Variants in CMIP observed in about 807,000 individuals in gnomAD.
CMIP encodes the protein C-Maf-inducing protein.
In CMIP, 13 loss-of-function variants were observed where a neutral mutation model predicts 97.3. The ratio of observed to expected loss-of-function variants is 0.13; its 90% CI spans 0.09 to 0.21. The LOEUF is 0.21. Ranked by LOEUF, CMIP falls within the 10% of genes least tolerant of loss-of-function variation. CMIP has a pLI of 1.00. For missense variants in CMIP, 847 were observed against 1,024.9 expected (o/e 0.83, Z 2.37); for synonymous variants, 538 against 436.3 (o/e 1.23, Z -2.91).
chr16:81,477,512 C>G (rs1908000983), intron 1 of CMIP, among the ~76,000 whole-genome samples: 1 of 152,206 alleles, frequency 6.6e-6, no homozygotes, highest in South Asian at 2.1e-4. Flanking sequence ...GCATCCAGGT[C>G]CCCTCCTTTC....
At chr16:81,671,391 G>A (rs1304437996) in intron 8 of CMIP, among the ~76,000 whole-genome samples, 1 of 152,206 alleles carries the variant, frequency 6.6e-6, no homozygotes, top group Non-Finnish European at 1.5e-5. Context: ...AAATAGCCAA[G>A]ACAAGTAATA....
At chr16:81,465,103 C>T (rs977423869) in intron 1 of CMIP, among the ~76,000 whole-genome samples, 1 of 152,174 alleles carries the variant, frequency 6.6e-6, no homozygotes, top group East Asian at 1.9e-4. Context: ...AAGATGTTCA[C>T]CCCCCTTACC....
At chr16:81,680,183 G>A (rs1904726630) in intron 10 of CMIP, among the ~76,000 whole-genome samples, 1 of 152,236 alleles carries the variant, frequency 6.6e-6, no homozygotes, top group African/African-American at 2.4e-5. Flanking sequence ...CGGTGCCTGG[G>A]GTGTTGTCTG....
chr16:81,621,178 A>C lies in CMIP; in HGVS notation c.477+252A>C. 1 of 428,024 alleles carries C rather than the reference A, an allele frequency of 2.3e-6. No individual in the cohort carries two copies. The highest frequency in any genetic ancestry group is 4.3e-6 in the Non-Finnish European group (1 of 232,530). 26.5% of individuals were successfully genotyped at this position (428,024 alleles called of 1,614,324 possible). A position where few individuals can be genotyped will look rare whatever the true frequency, so the allele number is the denominator to read the frequency against. ...CCCTATAGCTGTTTTCCTGCTTCAA[A>C]AGGATCATAGAACTGCTTGCTCTCA... On this transcript the variant is annotated intron_variant, in intron 3 of 20. Coordinates refer to ENST00000537098, the MANE Select transcript of CMIP (RefSeq NM_198390.3). The surrounding 1 kb of genome is among the most constrained non-coding windows in gnomAD (Gnocchi z 4.1).
At chr16:81,618,242 G>T (rs2091947095) in intron 2 of CMIP, among the ~76,000 whole-genome samples, 1 of 152,218 alleles carries the variant, frequency 6.6e-6, no homozygotes, top group Admixed American at 6.5e-5. Flanking sequence ...TCCTTCTGGA[G>T]GCTCTCGGGG....
intron 1 of CMIP, among the ~76,000 whole-genome samples, chr16:81,576,155 G>A (rs536305012): frequency 6.6e-6 from 1 of 152,300 alleles, no homozygotes; most frequent in African/African-American, 2.4e-5. Context: ...TGTAAACCCA[G>A]CACTTTGGGA....
chr16:81,480,857 C>T (rs1008527228), intron 1 of CMIP, among the ~76,000 whole-genome samples: 3 of 152,142 alleles, frequency 2.0e-5, no homozygotes, highest in African/African-American at 7.2e-5. Flanking sequence ...GGGAGTCTCC[C>T]CTTGGCCCTC....
At chr16:81,609,379 C>G (rs986125675) in intron 2 of CMIP, among the ~76,000 whole-genome samples, 2 of 152,154 alleles carry the variant, frequency 1.3e-5, no homozygotes, top group Admixed American at 6.5e-5. Context: ...CCCCCCTCGG[C>G]GGGGGAGATG....
chr16:81,541,102 G>C, intron 1 of CMIP, among the ~76,000 whole-genome samples: 1 of 151,556 alleles, frequency 6.6e-6, no homozygotes, highest in Non-Finnish European at 1.5e-5. Context: ...ATATATATAA[G>C]TATATTATTC....
At position 81,703,910 on chromosome 16, in the gene CMIP, C is replaced by T. The variant is rs1046213096; in HGVS notation, c.1945-29C>T. 2.5e-5 allele frequency: 40 copies of T among 1,579,830 alleles called. 2 individuals carry two copies. In the East Asian group the frequency reaches 7.4e-4, roughly 29 times the overall value. On this transcript the variant is annotated intron_variant, in intron 17 of 20. Coordinates refer to ENST00000537098, the MANE Select transcript of CMIP (RefSeq NM_198390.3). ...GGGTCTCGGGAACTCCCAGCAGCAC[C>T]CTCAGGCCTCTCCCCCGTCTGCCCG...
chr16:81,524,229 C>T (rs535708410), intron 1 of CMIP, among the ~76,000 whole-genome samples: 1 of 152,354 alleles, frequency 6.6e-6, no homozygotes, highest in African/African-American at 2.4e-5. Context: ...GCTGGATTCT[C>T]TCAATTGCTC....
At chr16:81,675,410 G>A (rs1904292434) in intron 9 of CMIP, among the ~76,000 whole-genome samples, 1 of 150,494 alleles carries the variant, frequency 6.6e-6, no homozygotes, top group African/African-American at 2.5e-5. Context: ...GTAGAGATGG[G>A]GTTTCGCCAT....
At chr16:81,497,157 A>G (rs1252442764) in intron 1 of CMIP, among the ~76,000 whole-genome samples, 1 of 152,178 alleles carries the variant, frequency 6.6e-6, no homozygotes, top group Non-Finnish European at 1.5e-5. Flanking sequence ...CCCCTGCCTG[A>G]CAGCCTTGCA....
chr16:81,502,808 C>A (rs1194378857), intron 1 of CMIP, among the ~76,000 whole-genome samples: 1 of 152,186 alleles, frequency 6.6e-6, no homozygotes, highest in Non-Finnish European at 1.5e-5. Flanking sequence ...CAAGAAAAAG[C>A]CTTCTGGCTA....
chr16:81,548,464 G>A lies in CMIP; in HGVS notation c.301-59103G>A, dbSNP rs969432102. ...AGTCTTTATTGCGGGCACTGTCCTG[G>A]GCATGGTAGGACATTTGGCACCATC... On this transcript the variant is annotated intron_variant, in intron 1 of 20. Coordinates refer to ENST00000537098, the MANE Select transcript of CMIP (RefSeq NM_198390.3). Among the ~76,000 whole-genome samples, 4 of 151,934 alleles carry A rather than the reference G, an allele frequency of 2.6e-5. No individual in the cohort carries two copies. The East Asian group carries it at 7.7e-4, about 29-fold the overall frequency.
In CMIP at chr16:81,453,909, C is replaced by G. The variant is rs1442222998; in HGVS notation, c.300+8368C>G. On this transcript the variant is annotated intron_variant, in intron 1 of 20. Coordinates refer to ENST00000537098, the MANE Select transcript of CMIP (RefSeq NM_198390.3). The surrounding 1 kb of genome is among the most constrained non-coding windows in gnomAD (Gnocchi z 4.0). ...CGGCCACACGGAGTGCAGGGGAAGA[C>G]TTGGGAACATGGTTTACATGTGCGT... 6.6e-6 allele frequency among the ~76,000 whole-genome samples: 1 copy of G among 152,198 alleles called. No individual in the cohort carries two copies. Among genetic ancestry groups the G allele is most frequent in the Non-Finnish European group, 1.5e-5 (1 of 68,032 alleles).
intron 10 of CMIP, 40 bp from the exon 11 acceptor site, chr16:81,691,735 T>G: frequency 6.3e-7 from 1 of 1,585,092 alleles, no homozygotes; most frequent in South Asian, 1.1e-5. Context: ...AAACCTTCCT[T>G]GTCCCAACCA....
intron 1 of CMIP, among the ~76,000 whole-genome samples, chr16:81,601,348 C>A (rs1289236087): frequency 6.6e-6 from 1 of 152,162 alleles, no homozygotes; most frequent in African/African-American, 2.4e-5. Context: ...GCTGGCTCAC[C>A]ACAAAGGCAA....
intron 1 of CMIP, among the ~76,000 whole-genome samples, chr16:81,550,515 G>T (rs1225867836): frequency 6.6e-6 from 1 of 152,188 alleles, no homozygotes; most frequent in East Asian, 1.9e-4. Flanking sequence ...CACTGGGCAG[G>T]ATGGTGTTGA....
Sources: allele counts gnomAD v4.1 joint callset (sites outside exome capture counted in the v4.1 genomes callset), GRCh38; gene constraint gnomAD v4.1.1; non-coding constraint Gnocchi (gnomAD v3.1); transcripts MANE v1.5; gene names NCBI Gene and HGNC (gene_info 2026-07-23, HGNC 2026-07-21).